The following GALNTL5 variants were observed in gnomAD, a reference collection of about 807,000 sequenced individuals.
GALNTL5 encodes polypeptide N-acetylgalactosaminyltransferase like 5, also known as inactive polypeptide N-acetylgalactosaminyltransferase-like protein 5.
In GALNTL5, 44 loss-of-function variants were observed where a neutral mutation model predicts 51.0. The ratio of observed to expected loss-of-function variants is 0.86; its 90% CI spans 0.68 to 1.11. The LOEUF (loss-of-function observed/expected upper bound fraction) is 1.11. GALNTL5 is among the 50% of genes least tolerant of loss of function. The pLI, the probability that GALNTL5 is intolerant of heterozygous loss-of-function variation, is 0.00. For synonymous variants in GALNTL5, 192 were observed against 182.8 expected, an observed-to-expected ratio of 1.05 and a Z score of -0.41; for missense variants, 528 against 531.8, an observed-to-expected ratio of 0.99 and a Z score of 0.07.
chr7:151,965,720 A>AAATAAT (rs565370449), intron 1 of GALNTL5, among the ~76,000 whole-genome samples: 3 of 151,938 alleles, frequency 2.0e-5, no homozygotes, highest in Admixed American at 6.6e-5. Context: ...CTATACAAAA[A>AAATAAT]AATAATAATA....
chr7:151,996,334 G>A (rs967786228), intron 5 of GALNTL5, among the ~76,000 whole-genome samples: 1 of 151,832 alleles, frequency 6.6e-6, no homozygotes, highest in African/African-American at 2.4e-5. Flanking sequence ...CATTAGGTAT[G>A]TCTCCTAATG....
At chr7:152,013,843 G>A (rs55651318) in intron 7 of GALNTL5, among the ~76,000 whole-genome samples, 16,086 of 152,206 alleles carry the variant, frequency 0.11, 2,778 homozygotes, top group African/African-American at 0.36. Context: ...GAAGTGAATT[G>A]TGTTTTCTTC....
chr7:151,980,967 G>A (rs920768064), intron 3 of GALNTL5, among the ~76,000 whole-genome samples: 4 of 151,596 alleles, frequency 2.6e-5, no homozygotes, highest in Middle Eastern at 3.2e-3. Flanking sequence ...GGATGGTCTC[G>A]ATCTCCTGAC....
intron 1 of GALNTL5, among the ~76,000 whole-genome samples, chr7:151,962,533 C>T (rs1275528956): frequency 2.7e-5 from 4 of 150,250 alleles, no homozygotes; most frequent in African/African-American, 9.8e-5. Flanking sequence ...GTGTCATCCA[C>T]CTAAACTTCT....
chr7:151,969,925 G>A (rs2081110268), intron 2 of GALNTL5, among the ~76,000 whole-genome samples: 1 of 151,972 alleles, frequency 6.6e-6, no homozygotes, highest in South Asian at 2.1e-4. Flanking sequence ...TCCTGCCTCA[G>A]CCTCCCGAGT....
rs549113306 is a variant in GALNTL5, at chr7:151,974,734, T to G, written c.368+3669T>G. 6.0e-5 allele frequency among the ~76,000 whole-genome samples: 9 copies of G among 150,666 alleles called. No individual in the cohort carries two copies. In the South Asian group the frequency reaches 1.9e-3, roughly 31 times the overall value. The stretch of plus-strand genomic sequence containing the variant: ...TAACATATCTTTTAGGTTATGAATT[T>G]CTCTCTGTATCATCATTTGTTCTCC... On this transcript the variant is annotated intron_variant, in intron 3 of 8. Coordinates refer to ENST00000392800, the MANE Select transcript of GALNTL5 (RefSeq NM_145292.4).
chr7:151,998,204 C>T (rs1000326598), intron 5 of GALNTL5, among the ~76,000 whole-genome samples: 5 of 151,694 alleles, frequency 3.3e-5, no homozygotes, highest in African/African-American at 1.2e-4. Flanking sequence ...GTGAGACTGT[C>T]TCTGTAAAAA....
chr7:152,009,067 C>T (rs1304609681), intron 7 of GALNTL5, among the ~76,000 whole-genome samples: 2 of 152,140 alleles, frequency 1.3e-5, no homozygotes, highest in East Asian at 3.9e-4. Flanking sequence ...TGGCGCCTTT[C>T]CTGATGGCCT....
chr7:152,013,467 T>C (rs80133419), intron 7 of GALNTL5, among the ~76,000 whole-genome samples: 2,641 of 152,294 alleles, frequency 0.017, 201 homozygotes, highest in Admixed American at 0.12. Context: ...CAACAAGCAA[T>C]GGTTATTTCT....
At chr7:151,972,372 G>A (rs1563005102) in intron 3 of GALNTL5, among the ~76,000 whole-genome samples, 2 of 152,146 alleles carry the variant, frequency 1.3e-5, no homozygotes, top group Non-Finnish European at 2.9e-5. Flanking sequence ...GTGACTATGT[G>A]GTAGAAAAGA....
intron 3 of GALNTL5, among the ~76,000 whole-genome samples, chr7:151,979,106 C>CCTTTTTTTT (rs1554405638): frequency 1.4e-5 from 1 of 71,164 alleles, no homozygotes; most frequent in Non-Finnish European, 3.0e-5. Context: ...TACTTTTACT[C>CCTTTTTTTT]TTTTTTTTTT....
intron 7 of GALNTL5, among the ~76,000 whole-genome samples, chr7:152,012,542 C>A (rs1412949407): frequency 1.3e-5 from 2 of 152,204 alleles, no homozygotes; most frequent in Non-Finnish European, 2.9e-5. Context: ...TTTGACCCAG[C>A]AATCCTATTA....
chr7:151,983,723 A>G (rs1360534871), intron 4 of GALNTL5, among the ~76,000 whole-genome samples: 1 of 152,190 alleles, frequency 6.6e-6, no homozygotes, highest in Non-Finnish European at 1.5e-5. Context: ...TGACATGTCA[A>G]CTGAGGTCTG....
At position 152,002,676 on chromosome 7, in the gene GALNTL5, C is replaced by A. The variant is rs78929017; in HGVS notation, c.659-38C>A. ...GATTTGGATTGCCGTATTTTTTCAGCTATGTGGACTAACATTGCCCTGTTC... is the reference window on the plus strand; with the variant it reads ...GATTTGGATTGCCGTATTTTTTCAGATATGTGGACTAACATTGCCCTGTTC... On this transcript the variant is annotated intron_variant, in intron 5 of 8. Coordinates refer to ENST00000392800, the MANE Select transcript of GALNTL5 (RefSeq NM_145292.4). 10,787 of 1,599,546 alleles carry A rather than the reference C, an allele frequency of 6.7e-3. 491 individuals carry two copies. The Admixed American group carries it at 0.11, about 16-fold the overall frequency.
At chr7:151,964,940 G>A (rs1377219910) in intron 1 of GALNTL5, among the ~76,000 whole-genome samples, 1 of 152,304 alleles carries the variant, frequency 6.6e-6, no homozygotes, top group Middle Eastern at 3.4e-3. Flanking sequence ...AAGGGAAGAA[G>A]ACAGATGGAC....
At chr7:152,006,841 T>G (rs1195000971) in intron 6 of GALNTL5, among the ~76,000 whole-genome samples, 1 of 152,144 alleles carries the variant, frequency 6.6e-6, no homozygotes, top group Non-Finnish European at 1.5e-5. Flanking sequence ...TGGTGCGATC[T>G]CAGCTCACTG....
chr7:151,988,370 G>A (rs757810133), intron 5 of GALNTL5, among the ~76,000 whole-genome samples: 4 of 152,278 alleles, frequency 2.6e-5, no homozygotes, highest in African/African-American at 4.8e-5. Flanking sequence ...TTGGCAGAAC[G>A]CTGAGCTGGA....
chr7:151,966,208 TTAG>T (rs1188989567), intron 1 of GALNTL5, among the ~76,000 whole-genome samples: 6 of 152,252 alleles, frequency 3.9e-5, no homozygotes, highest in African/African-American at 1.4e-4. Context: ...CCTCACTTTA[TTAG>T]TTCTCCTGTT....
In GALNTL5 at chr7:152,007,896, C is replaced by G; in HGVS notation, c.978C>G (p.Asp326Glu). The G allele has an allele frequency of 6.2e-7, 1 of 1,612,066 alleles. No individual in the cohort carries two copies. The highest frequency in any genetic ancestry group is 8.5e-7 in the Non-Finnish European group (1 of 1,178,738). Residue 326 changes from aspartate (D) to glutamate (E), a missense_variant, in exon 7 of 9, where the codon GAC (aspartate) becomes GAG (glutamate). Transcript: ENST00000392800. ...ATTTTAATGAAATTGGACAGTATGA[C>G]AAGGATATGGATTTTTGGGGAAGAG... ...RHYFNEIGQY[D>E]KDMDFWGREN...
Sources: gnomAD v4.1 joint callset for allele counts (sites outside exome capture counted in the v4.1 genomes callset) on GRCh38, gnomAD v4.1.1 for gene constraint, MANE v1.5 for transcripts, NCBI Gene and HGNC (gene_info 2026-07-23, HGNC 2026-07-21) for gene names.